ANKS1A: variants seen among roughly 807,000 people sequenced by gnomAD.
ANKS1A encodes ankyrin repeat and sterile alpha motif domain containing 1A.
Under a neutral mutation model 120.3 loss-of-function variants are expected in ANKS1A, and 55 were observed. The observed-to-expected ratio is 0.46, with a 90% confidence interval of 0.37 to 0.57. ANKS1A has a LOEUF of 0.57. Ranked by LOEUF, ANKS1A falls within the 20% of genes least tolerant of loss-of-function variation. The pLI, the probability that ANKS1A is intolerant of heterozygous loss-of-function variation, is 0.00. For synonymous variants in ANKS1A, 590 were observed against 604.7 expected, an observed-to-expected ratio of 0.98 and a Z score of 0.36; for missense variants, 1,123 against 1,480.3, an observed-to-expected ratio of 0.76 and a Z score of 3.96.
At chr6:35,097,626 A>G in the ANKS1A span, among the ~76,000 whole-genome samples, 10 of 134,550 alleles carry the variant, frequency 7.4e-5, no homozygotes, top group Non-Finnish European at 9.5e-5. Flanking sequence ...AGGCACCAGA[A>G]AAAGCCAAAA....
At chr6:35,075,235 C>T (rs1777284565) in intron 13 of ANKS1A, among the ~76,000 whole-genome samples, 1 of 152,124 alleles carries the variant, frequency 6.6e-6, no homozygotes, top group African/African-American at 2.4e-5. Flanking sequence ...AAAACACAAT[C>T]TTGGAAAGGC....
intron 10 of ANKS1A, among the ~76,000 whole-genome samples, chr6:35,003,636 C>T (rs1477752301): frequency 1.3e-5 from 2 of 152,180 alleles, no homozygotes; most frequent in African/African-American, 4.8e-5. Context: ...CTGCTTACTG[C>T]TCCCTTGTTT....
In ANKS1A at chr6:34,963,009, G is replaced by A. The variant is rs374498051; in HGVS notation, c.198-4230G>A. 2.0e-5 allele frequency among the ~76,000 whole-genome samples: 3 copies of A among 151,320 alleles called. No homozygotes were observed. The East Asian group carries it at 5.9e-4, about 30-fold the overall frequency. On this transcript the variant is annotated intron_variant, in intron 1 of 23. Coordinates refer to ENST00000360359, the MANE Select transcript of ANKS1A (RefSeq NM_015245.3). ...CCCGAGTAGCTGGGATTACAGGCAT[G>A]TGCTACCACACCCAGCTAATTTTTG...
At chr6:35,072,727 G>T (rs1777143086) in intron 13 of ANKS1A, among the ~76,000 whole-genome samples, 1 of 152,240 alleles carries the variant, frequency 6.6e-6, no homozygotes, top group African/African-American at 2.4e-5. Flanking sequence ...AAGGTGGCCA[G>T]GAGGGAGAGG....
intron 11 of ANKS1A, chr6:35,038,148 C>A: frequency 2.2e-6 from 1 of 456,120 alleles, no homozygotes; most frequent in South Asian, 1.5e-5. Flanking sequence ...CTAACTCCAA[C>A]CCGCACCCCC....
chr6:35,016,063 A>G (rs568241970), intron 10 of ANKS1A, among the ~76,000 whole-genome samples: 1 of 152,324 alleles, frequency 6.6e-6, no homozygotes, highest in South Asian at 2.1e-4. Flanking sequence ...GATTCTCATC[A>G]CTATCATGAC....
In ANKS1A at chr6:35,050,494, A is replaced by T. The variant is rs1775915369; in HGVS notation, c.2011-3605A>T. ...CCCTGAAATGCAGACCATTTCTGGGAAAGCTGCCTGTTCAGATTTTTTTTT... is the reference window on the plus strand; with the variant it reads ...CCCTGAAATGCAGACCATTTCTGGGTAAGCTGCCTGTTCAGATTTTTTTTT... On this transcript the variant is annotated intron_variant, in intron 11 of 23. Transcript: ENST00000360359. The surrounding 1 kb of genome is among the most constrained non-coding windows in gnomAD (Gnocchi z 4.3). Among the ~76,000 whole-genome samples, 1 of 152,236 alleles carries T rather than the reference A, an allele frequency of 6.6e-6. No individual in the cohort carries two copies. Among genetic ancestry groups the T allele is most frequent in the African/African-American group, 2.4e-5 (1 of 41,456 alleles).
At chr6:34,938,977 G>A (rs998398909) in intron 1 of ANKS1A, among the ~76,000 whole-genome samples, 1 of 152,200 alleles carries the variant, frequency 6.6e-6, no homozygotes, top group Admixed American at 6.5e-5. Flanking sequence ...GACAGAGCGA[G>A]ACTCCATCTT....
At chr6:35,068,827 G>A (rs1209671451) in intron 13 of ANKS1A, among the ~76,000 whole-genome samples, 4 of 152,334 alleles carry the variant, frequency 2.6e-5, no homozygotes, top group South Asian at 2.1e-4. Flanking sequence ...CAAAGTGACC[G>A]TCTGAGAAGA....
intron 1 of ANKS1A, among the ~76,000 whole-genome samples, chr6:34,948,037 TG>T (rs1352822087): frequency 1.8e-4 from 28 of 152,210 alleles, no homozygotes; most frequent in African/African-American, 4.3e-4. Context: ...AATCGAAGTT[TG>T]TTTGTTTTTT....
chr6:34,994,241 A>T, intron 9 of ANKS1A, 61 bp from the exon 10 acceptor site: 7 of 1,577,406 alleles, frequency 4.4e-6, no homozygotes, highest in Non-Finnish European at 6.0e-6. Flanking sequence ...AATTTGTTCC[A>T]GACTGCCTGT....
intron 13 of ANKS1A, among the ~76,000 whole-genome samples, chr6:35,071,770 G>A (rs1217974807): frequency 6.6e-6 from 1 of 152,244 alleles, no homozygotes; most frequent in Non-Finnish European, 1.5e-5. Context: ...ATCCGTTAAA[G>A]TCAAAGCAAA....
chr6:34,956,004 CA>C (rs1302025178), intron 1 of ANKS1A, among the ~76,000 whole-genome samples: 1 of 152,014 alleles, frequency 6.6e-6, no homozygotes, highest in African/African-American at 2.4e-5. Flanking sequence ...AGGATGGACT[CA>C]TAAGCGGAAG....
In ANKS1A at chr6:35,017,790, C is replaced by G. The variant is rs147251469; in HGVS notation, c.1741C>G (p.Pro581Ala). The change falls in exon 11 of 24, where the codon CCT becomes GCT. Residue 581 changes from proline to alanine, a missense_variant. Transcript: ENST00000360359. ...GLPTTNSRSHPETLTHTASPH... is the reference protein window; with the variant it reads ...GLPTTNSRSHAETLTHTASPH... ...GCCCACCACCAACAGCCGCTCGCAC[C>G]CTGAAACTTTGACTCACACAGCATC... The G allele has an allele frequency of 1.9e-6, 3 of 1,614,088 alleles. No homozygotes were observed. The highest frequency in any genetic ancestry group is 2.5e-6 in the Non-Finnish European group (3 of 1,180,048).
Position 35,078,636 on chromosome 6 carries a change from G to T in ANKS1A, c.2263G>T (p.Ala755Ser). 6.2e-7 allele frequency: 1 copy of T among 1,603,452 alleles called. No individual in the cohort carries two copies. Among genetic ancestry groups the T allele is most frequent in the African/African-American group, 1.3e-5 (1 of 75,022 alleles). ...DPQHRRKLLQ[A>S]ARSLPKVKAL... is the part of the protein sequence containing the mutation. ...ACAGCACCGGCGGAAGCTGCTCCAG[G>T]CGGCACGCTCCCTACCCAAGGTGAC... The change falls in exon 14 of 24, where the codon GCG (alanine) becomes TCG (serine). Residue 755 changes from alanine to serine, a missense_variant. Physicochemically the swap from Ala to Ser is moderately conservative, Grantham distance 99. Transcript: ENST00000360359.
intron 10 of ANKS1A, among the ~76,000 whole-genome samples, chr6:35,008,822 T>G (rs1480573175): frequency 6.6e-6 from 1 of 152,214 alleles, no homozygotes; most frequent in African/African-American, 2.4e-5. Context: ...GTGTAAGAGA[T>G]CATGGATGGC....
intron 1 of ANKS1A, among the ~76,000 whole-genome samples, chr6:34,941,381 T>C (rs899829931): frequency 1.3e-5 from 2 of 152,076 alleles, no homozygotes; most frequent in African/African-American, 2.4e-5. Flanking sequence ...ACAACTTGGC[T>C]TTTTCCGTTT....
intron 1 of ANKS1A, among the ~76,000 whole-genome samples, chr6:34,925,133 T>G (rs1006853272): frequency 9.2e-5 from 14 of 152,262 alleles, no homozygotes; most frequent in African/African-American, 3.4e-4. Context: ...CTGGTCTGTA[T>G]TAGCCGTAGT....
chr6:35,053,310 G>C (rs1188180648), intron 11 of ANKS1A, among the ~76,000 whole-genome samples: 1 of 152,256 alleles, frequency 6.6e-6, no homozygotes, highest in Non-Finnish European at 1.5e-5. Flanking sequence ...TCCTGGGGAA[G>C]GGGGCCTGGA....
Sources: allele counts gnomAD v4.1 joint callset (sites outside exome capture counted in the v4.1 genomes callset), GRCh38; gene constraint gnomAD v4.1.1; non-coding constraint Gnocchi (gnomAD v3.1); transcripts MANE v1.5; gene names NCBI Gene and HGNC (gene_info 2026-07-23, HGNC 2026-07-21).